Variants in CNOT6L observed in about 807,000 individuals in gnomAD.
CNOT6L encodes CCR4-NOT transcription complex subunit 6-like.
Under a neutral mutation model 64.0 loss-of-function variants are expected in CNOT6L, and 7 were observed. The ratio of observed to expected loss-of-function variants is 0.11; its 90% CI spans 0.06 to 0.21. CNOT6L has a LOEUF of 0.21. Ranked by LOEUF, CNOT6L falls within the 10% of genes least tolerant of loss-of-function variation. CNOT6L has a pLI of 1.00. For missense variants in CNOT6L, 245 were observed against 669.0 expected (o/e 0.37, Z 6.99); for synonymous variants, 193 against 243.4 (o/e 0.79, Z 1.93).
intron 5 of CNOT6L, among the ~76,000 whole-genome samples, chr4:77,748,967 A>G (rs1489670069): frequency 6.6e-6 from 1 of 152,204 alleles, no homozygotes; most frequent in African/African-American, 2.4e-5. Context: ...CTATGGAACT[A>G]AATGCTACCT....
chr4:77,819,406 A>C (rs1734044305), upstream of CNOT6L: 1 of 1,598,492 alleles, frequency 6.3e-7, no homozygotes, highest in Non-Finnish European at 8.5e-7. Flanking sequence ...GCCCCCACAG[A>C]TGCTTCCCCT....
intron 1 of CNOT6L, among the ~76,000 whole-genome samples, chr4:77,801,363 C>T (rs184426629): frequency 2.0e-4 from 31 of 152,286 alleles, no homozygotes; most frequent in African/African-American, 6.3e-4. Flanking sequence ...GCACTCACAA[C>T]GCCAGCTTCA....
intron 1 of CNOT6L, chr4:77,819,071 CA>C: frequency 1.4e-6 from 1 of 733,642 alleles, no homozygotes; most frequent in Non-Finnish European, 2.4e-6. Context: ...CACACACACA[CA>C]CACCCCGGAA....
intron 9 of CNOT6L, among the ~76,000 whole-genome samples, chr4:77,730,963 A>C (rs1459535971): frequency 6.6e-6 from 1 of 152,152 alleles, no homozygotes; most frequent in Non-Finnish European, 1.5e-5. Context: ...TTACCCTGAC[A>C]ATGACTGAGA....
intron 10 of CNOT6L, among the ~76,000 whole-genome samples, chr4:77,727,319 T>C (rs186616318): frequency 1.8e-4 from 28 of 152,112 alleles, no homozygotes; most frequent in Admixed American, 5.2e-4. Context: ...TCCCAACACT[T>C]TGAGAGGCCG....
intron 8 of CNOT6L, among the ~76,000 whole-genome samples, chr4:77,741,456 C>G (rs763806250): frequency 2.6e-5 from 4 of 152,174 alleles, no homozygotes; most frequent in Non-Finnish European, 5.9e-5. Flanking sequence ...GATTCAACCT[C>G]TATCAGATGT....
chr4:77,783,989 G>T (rs922872321), intron 1 of CNOT6L, among the ~76,000 whole-genome samples: 1 of 151,520 alleles, frequency 6.6e-6, no homozygotes, highest in Non-Finnish European at 1.5e-5. Flanking sequence ...TGGCAATAAA[G>T]TCCCTAGATG....
rs575237337 is a variant in CNOT6L at position 77,759,821 on chromosome 4, T to C, written c.401-2870A>G. Among the ~76,000 whole-genome samples, 16 of 152,288 alleles carry C rather than the reference T, an allele frequency of 1.1e-4. No individual in the cohort carries two copies. The South Asian group carries it at 3.3e-3, about 32-fold the overall frequency. Reference sequence around the variant, plus strand: ...CCAACTTGGCCTATTATTTACATAATACTCCACTCGGAAACCAAAAAATAT... The same window carrying C: ...CCAACTTGGCCTATTATTTACATAACACTCCACTCGGAAACCAAAAAATAT... On this transcript the variant is annotated intron_variant, in intron 4 of 11. Transcript: ENST00000504123.
chr4:77,768,470 A>AAAATATATATATATATATATAT (rs1727112716), intron 4 of CNOT6L, among the ~76,000 whole-genome samples: 3 of 134,402 alleles, frequency 2.2e-5, no homozygotes, highest in Admixed American at 7.3e-5. Flanking sequence ...GTCTAAAATA[A>AAAATATATATATATATATATAT]ATAAATATAT....
intron 9 of CNOT6L, among the ~76,000 whole-genome samples, chr4:77,729,705 G>C (rs1237223332): frequency 6.6e-6 from 1 of 151,628 alleles, no homozygotes; most frequent in East Asian, 1.9e-4. Context: ...AATTTAACCA[G>C]ATTCTTTTGG....
intron 10 of CNOT6L, among the ~76,000 whole-genome samples, chr4:77,727,425 G>T (rs1317705921): frequency 2.6e-5 from 4 of 151,864 alleles, no homozygotes; most frequent in South Asian, 2.1e-4. Flanking sequence ...AAATTAGCTG[G>T]GCGTGGTGGC....
At chr4:77,760,867 T>TTTTTG in intron 4 of CNOT6L, among the ~76,000 whole-genome samples, 1 of 39,544 alleles carries the variant, frequency 2.5e-5, no homozygotes, top group Non-Finnish European at 5.4e-5. Flanking sequence ...TGGCTTTTTT[T>TTTTTG]TTTTTTTTTT....
At chr4:77,742,091 G>A in intron 8 of CNOT6L, 50 bp downstream of exon 8, 1 of 1,514,434 alleles carries the variant, frequency 6.6e-7, no homozygotes, top group South Asian at 1.2e-5. Flanking sequence ...TAAAGTGTAA[G>A]CATTTAAATA....
intron 1 of CNOT6L, among the ~76,000 whole-genome samples, chr4:77,816,910 C>G (rs1733644219): frequency 6.6e-6 from 1 of 152,138 alleles, no homozygotes; most frequent in Admixed American, 6.5e-5. Context: ...ATTTAATGAA[C>G]ACATTTCCTA....
intron 1 of CNOT6L, among the ~76,000 whole-genome samples, chr4:77,805,555 T>C (rs1284082219): frequency 6.6e-6 from 1 of 152,212 alleles, no homozygotes; most frequent in East Asian, 1.9e-4. Flanking sequence ...TCATTTCATA[T>C]TATAGTTGTT....
chr4:77,789,097 T>C (rs1344498982), intron 1 of CNOT6L, among the ~76,000 whole-genome samples: 1 of 152,200 alleles, frequency 6.6e-6, no homozygotes, highest in Non-Finnish European at 1.5e-5. Context: ...TATGCTTGAA[T>C]GGGATGGACT....
At chr4:77,777,144 A>C (rs1388515728) in intron 1 of CNOT6L, among the ~76,000 whole-genome samples, 1 of 152,200 alleles carries the variant, frequency 6.6e-6, no homozygotes, top group Non-Finnish European at 1.5e-5. Context: ...AAAGTGTCCT[A>C]ATTAGTATGA....
At chr4:77,800,115 A>G (rs1731347691) in intron 1 of CNOT6L, among the ~76,000 whole-genome samples, 1 of 152,146 alleles carries the variant, frequency 6.6e-6, no homozygotes, top group African/African-American at 2.4e-5. Flanking sequence ...AGAAAACTGA[A>G]CTTGATAGTA....
chr4:77,812,399 T>C lies in CNOT6L; in HGVS notation c.5+6905A>G, dbSNP rs561339982. 6.2e-4 allele frequency among the ~76,000 whole-genome samples: 94 copies of C among 150,500 alleles called. 1 individual carries two copies. The highest frequency in any genetic ancestry group is 2.9e-3 in the Admixed American group (44 of 15,066). On this transcript the variant is annotated intron_variant, in intron 1 of 11. Coordinates refer to ENST00000504123, the MANE Select transcript of CNOT6L (RefSeq NM_144571.3). The stretch of plus-strand genomic sequence containing the variant: ...GTTGTAGTGAGCCAAGACAGTGCCA[T>C]TGCACTCCAGCCTGGGCGACAGAGT...
Sources: allele counts gnomAD v4.1 joint callset (sites outside exome capture counted in the v4.1 genomes callset), GRCh38; gene constraint gnomAD v4.1.1; transcripts MANE v1.5; gene names NCBI Gene and HGNC (gene_info 2026-07-23, HGNC 2026-07-21).